The following EVPL variants were observed in gnomAD, a reference collection of about 807,000 sequenced individuals.
The protein encoded by EVPL is 210 kDa cornified envelope precursor protein.
A neutral mutation model predicts 129.7 loss-of-function variants in EVPL; 94 were observed. That is an observed-to-expected ratio of 0.72 (90% CI 0.61 to 0.86). EVPL has a LOEUF of 0.86. Among genes scored for constraint, EVPL ranks in the 40% least tolerant of loss-of-function variants. EVPL has a pLI of 0.00. For missense variants in EVPL, 2,625 were observed against 2,721.1 expected (o/e 0.96, Z 0.79); for synonymous variants, 1,172 against 1,191.1 (o/e 0.98, Z 0.33).
At chr17:76,019,385 T>C in intron 10 of EVPL, 143 bp downstream of exon 10, 2 of 1,121,468 alleles carry the variant, frequency 1.8e-6, no homozygotes, top group African/African-American at 1.6e-5. Context: ...GCCAGCCTCC[T>C]GCTAGAGTAA....
chr17:76,007,307 T>C lies in EVPL; in HGVS notation c.5898A>G (p.Glu1966=). 2 of 1,556,858 alleles carry C rather than the reference T, an allele frequency of 1.3e-6. No homozygotes were observed. The highest frequency in any genetic ancestry group is 1.7e-6 in the Non-Finnish European group (2 of 1,148,762). ...CGTCCTGCAGGAGCTGGGCCAGCTC[T>C]TCACTGATCATCCCGGAGAGGAGGG... ...QQALLSGMIS[E]ELAQLLQDES... Residue 1966 remains glutamate (E), a synonymous_variant, in exon 22 of 22, where the codon GAA becomes GAG. Coordinates refer to ENST00000301607, the MANE Select transcript of EVPL (RefSeq NM_001988.4). The surrounding 1 kb of genome is among the most constrained non-coding windows in gnomAD (Gnocchi z 8.8).
intron 21 of EVPL, among the ~76,000 whole-genome samples, 173 bp from the exon 22 acceptor site, chr17:76,010,716 T>C (rs1214597761): frequency 6.6e-6 from 1 of 152,078 alleles, no homozygotes; most frequent in Non-Finnish European, 1.5e-5. Flanking sequence ...ACCCAGTCAA[T>C]GCAATGATTT....
At position 76,015,549 on chromosome 17, in the gene EVPL, C is replaced by T. The variant is rs772811795; in HGVS notation, c.1790G>A (p.Arg597Gln). ...CTGCAGGGCAGCGGGGCCCACGGGCCGCGTGGACAGAAACGCCTCGCACTC... is the reference window on the plus strand; with the variant it reads ...CTGCAGGGCAGCGGGGCCCACGGGCTGCGTGGACAGAAACGCCTCGCACTC... ...QKECEAFLST[R>Q]PVGPAALQLP... Residue 597 changes from arginine (R) to glutamine (Q), a missense_variant, in exon 15 of 22, where the codon CGG becomes CAG. Coordinates refer to ENST00000301607, the MANE Select transcript of EVPL (RefSeq NM_001988.4). 8 of 1,613,064 alleles carry T rather than the reference C, an allele frequency of 5.0e-6. No individual in the cohort carries two copies. In the African/African-American group the frequency reaches 6.7e-5, roughly 13 times the overall value.
chr17:76,021,458 G>A lies in EVPL; in HGVS notation c.1011+10C>T, dbSNP rs749087526. On this transcript the variant is annotated intron_variant, in intron 9 of 21. Transcript: ENST00000301607. Reference sequence around the variant, plus strand: ...CCCCTGCCGCCCCTGCCGCCTGCCCGAGGGCTCACCCGGCGGTAGTCCTCC... The same window carrying A: ...CCCCTGCCGCCCCTGCCGCCTGCCCAAGGGCTCACCCGGCGGTAGTCCTCC... 1.4e-5 allele frequency: 21 copies of A among 1,504,426 alleles called. No individual in the cohort carries two copies. The highest frequency in any genetic ancestry group is 1.8e-5 in the Non-Finnish European group (20 of 1,119,208). The allele number at this position is 1,504,426 out of a possible 1,614,324, so 93.2% of individuals were successfully genotyped here.
At chr17:76,016,404 C>T (rs984647095) in intron 14 of EVPL, among the ~76,000 whole-genome samples, 3 of 152,200 alleles carry the variant, frequency 2.0e-5, no homozygotes, top group Non-Finnish European at 2.9e-5. Context: ...GCTGACTCTG[C>T]ACCAGGCACC....
In EVPL at chr17:76,018,953, G is replaced by C. The variant is rs371984104; in HGVS notation, c.1245C>G (p.Pro415=). The change falls in exon 11 of 22, where the codon CCC becomes CCG. Residue 415 remains proline, a synonymous_variant. Transcript: ENST00000301607. ...AGTCGCAGATGCTGTCCACGTGCAG[G>C]GGCTGCTGAGGGGGGTTTCTTCGCT... ...LPQRRNPPQQ[P]LHVDSICDWD... is the part of the protein sequence containing the mutation. 1 of 1,559,022 alleles carries C rather than the reference G, an allele frequency of 6.4e-7. No individual in the cohort carries two copies. The highest frequency in any genetic ancestry group is 1.4e-5 in the African/African-American group (1 of 71,112).
chr17:76,011,562 T>A lies in EVPL; in HGVS notation c.2661+14A>T. 6.2e-7 allele frequency: 1 copy of A among 1,606,124 alleles called. No individual in the cohort carries two copies. Among genetic ancestry groups the A allele is most frequent in the Non-Finnish European group, 8.5e-7 (1 of 1,172,812 alleles). ...CTGGCTATTGTGGGAAAGCTGTAGG[T>A]GTTGTCTGTGTACCTTCTCCAGCAT... On this transcript the variant is annotated intron_variant, in intron 21 of 21. Transcript: ENST00000301607.
At position 76,008,072 on chromosome 17, in the gene EVPL, G is replaced by A; in HGVS notation, c.5133C>T (p.Gly1711=). 6.2e-7 allele frequency: 1 copy of A among 1,614,036 alleles called. No homozygotes were observed. Among genetic ancestry groups the A allele is most frequent in the South Asian group, 1.1e-5 (1 of 91,070 alleles). Residue 1711 remains glycine, a synonymous_variant, in exon 22 of 22, where the codon GGC becomes GGT. Coordinates refer to ENST00000301607, the MANE Select transcript of EVPL (RefSeq NM_001988.4). The surrounding 1 kb of genome is among the most constrained non-coding windows in gnomAD (Gnocchi z 7.4). The part of the protein sequence containing the change: ...EAYKRGIIDR[G]QYLQLQELEC... ...CGAGCTCCTGCAGCTGCAAGTACTG[G>A]CCCCTGTCGATGATGCCCCTCTTGT...
At position 76,008,249 on chromosome 17, in the gene EVPL, G is replaced by C. The variant is rs752726977; in HGVS notation, c.4956C>G (p.Ile1652Met). ...EAAILREKDQ[I>M]YEKERTLRDL... ...CCCGGAGCGTCCGCTCCTTCTCGTA[G>C]ATCTGGTCCTTCTCGCGGAGGATGG... The change falls in exon 22 of 22, where the codon ATC becomes ATG. Residue 1652 changes from isoleucine (I) to methionine (M), a missense_variant. Physicochemically the swap from Ile to Met is conservative, Grantham distance 10 (BLOSUM62 1). Around this residue, in one of 4 missense-constraint regions of EVPL, gnomAD observed 1,453 missense variants for 1,511.8 expected, o/e 0.96. Coordinates refer to ENST00000301607, the MANE Select transcript of EVPL (RefSeq NM_001988.4). The surrounding 1 kb of genome is among the most constrained non-coding windows in gnomAD (Gnocchi z 7.4). The C allele has an allele frequency of 3.1e-6, 5 of 1,613,642 alleles. No individual in the cohort carries two copies. The highest frequency in any genetic ancestry group is 4.2e-6 in the Non-Finnish European group (5 of 1,180,006).
Position 76,024,317 on chromosome 17 carries a change from A to G in EVPL, c.99-197T>C, listed in dbSNP as rs2066484571. ...GGTGTTAGCACTGCCCCGCCACATG[A>G]GGGGTCAAAAGGTGAGGGTCTCAGG... On this transcript the variant is annotated intron_variant, in intron 1 of 21. Coordinates refer to ENST00000301607, the MANE Select transcript of EVPL (RefSeq NM_001988.4). This position sits in a 1 kb window ranked among gnomAD's most constrained non-coding sequence, Gnocchi z 4.5. Among the ~76,000 whole-genome samples, 1 of 152,022 alleles carries G rather than the reference A, an allele frequency of 6.6e-6. No homozygotes were observed. Among genetic ancestry groups the G allele is most frequent in the African/African-American group, 2.4e-5 (1 of 41,386 alleles).
chr17:76,022,467 G>T lies in EVPL; in HGVS notation c.552C>A (p.Ile184=). 1.2e-6 allele frequency: 2 copies of T among 1,613,786 alleles called. No homozygotes were observed. Among genetic ancestry groups the T allele is most frequent in the East Asian group, 2.2e-5 (1 of 44,884 alleles). ...ELEQQIAEHN[I]LQKEIDAYGQ... is the part of the protein sequence containing the mutation. ...CATAGGCGTCGATCTCCTTCTGCAG[G>T]ATGTTGTGCTCGGCGATCTGTTGCT... Residue 184 remains isoleucine, a synonymous_variant, in exon 5 of 22, where the codon ATC becomes ATA. Coordinates refer to ENST00000301607, the MANE Select transcript of EVPL (RefSeq NM_001988.4). The surrounding 1 kb of genome is among the most constrained non-coding windows in gnomAD (Gnocchi z 5.6).
chr17:76,015,550 G>A lies in EVPL; in HGVS notation c.1789C>T (p.Arg597Trp), dbSNP rs762605470. ...TGCAGGGCAGCGGGGCCCACGGGCC[G>A]CGTGGACAGAAACGCCTCGCACTCC... ...QKECEAFLST[R>W]PVGPAALQLP... Residue 597 changes from arginine to tryptophan, a missense_variant, in exon 15 of 22, where the codon CGG (arginine) becomes TGG (tryptophan). Physicochemically the swap from Arg to Trp is moderately radical, Grantham distance 101. Around this residue, in one of 4 missense-constraint regions of EVPL, gnomAD observed 1,024 missense variants for 997.5 expected, o/e 1.03. Transcript: ENST00000301607. 7 of 1,613,088 alleles carry A rather than the reference G, an allele frequency of 4.3e-6. No individual in the cohort carries two copies. Among genetic ancestry groups the A allele is most frequent in the Non-Finnish European group, 5.1e-6 (6 of 1,180,024 alleles).
rs1299808354 is a variant in EVPL, at chr17:76,019,578, C to T, written c.1087G>A (p.Ala363Thr). 3 of 1,594,722 alleles carry T rather than the reference C, an allele frequency of 1.9e-6. No homozygotes were observed. Among genetic ancestry groups the T allele is most frequent in the Non-Finnish European group, 2.6e-6 (3 of 1,172,852 alleles). Residue 363 changes from alanine (A) to threonine (T), a missense_variant, in exon 10 of 22, where the codon GCA (alanine) becomes ACA (threonine). Around this residue, in one of 4 missense-constraint regions of EVPL, gnomAD observed 1,024 missense variants for 997.5 expected, o/e 1.03. Transcript: ENST00000301607. ...GGGGCGCCAGGGGGGCCCCCAGGTGCAGGGCTGTACTTGGCATCCAAGTTG... is the reference window on the plus strand; with the variant it reads ...GGGGCGCCAGGGGGGCCCCCAGGTGTAGGGCTGTACTTGGCATCCAAGTTG... The part of the protein sequence containing the change: ...NSNLDAKYSP[A>T]PGGPPGAPTE...
At position 76,008,994 on chromosome 17, in the gene EVPL, T is replaced by C. The variant is rs754148085; in HGVS notation, c.4211A>G (p.Gln1404Arg). Residue 1404 changes from glutamine to arginine, a missense_variant, in exon 22 of 22, where the codon CAG (glutamine) becomes CGG (arginine). Coordinates refer to ENST00000301607, the MANE Select transcript of EVPL (RefSeq NM_001988.4). The surrounding 1 kb of genome is among the most constrained non-coding windows in gnomAD (Gnocchi z 7.4). ...SLDEEVGRRR[Q>R]LELEVQQLRA... The stretch of plus-strand genomic sequence containing the variant: ...CAGCTGCTGCACCTCAAGCTCTAGC[T>C]GGCGCCGCCGGCCCACCTCCTCATC... 6.8e-6 allele frequency: 11 copies of C among 1,611,932 alleles called. No homozygotes were observed. The East Asian group carries it at 2.0e-4, about 29-fold the overall frequency.
At position 76,024,146 on chromosome 17, in the gene EVPL, A is replaced by C; in HGVS notation, c.99-26T>G. 6.2e-7 allele frequency: 1 copy of C among 1,606,612 alleles called. No homozygotes were observed. Among genetic ancestry groups the C allele is most frequent in the East Asian group, 2.2e-5 (1 of 44,518 alleles). ...CTAGTGTGTGGAGGGGACAGCGGGTAGCTCGGTGGAAGAGGCCCCTCTGTG... is the reference window on the plus strand; with the variant it reads ...CTAGTGTGTGGAGGGGACAGCGGGTCGCTCGGTGGAAGAGGCCCCTCTGTG... On this transcript the variant is annotated intron_variant, in intron 1 of 21. Coordinates refer to ENST00000301607, the MANE Select transcript of EVPL (RefSeq NM_001988.4). This position sits in a 1 kb window ranked among gnomAD's most constrained non-coding sequence, Gnocchi z 4.5.
rs749752275 is a variant in EVPL at position 76,017,775 on chromosome 17, G to C, written c.1674C>G (p.Pro558=). The C allele has an allele frequency of 1.9e-6, 3 of 1,613,148 alleles. No individual in the cohort carries two copies. Among genetic ancestry groups the C allele is most frequent in the Middle Eastern group, 1.6e-4 (1 of 6,062 alleles). The change falls in exon 14 of 22, where the codon CCC becomes CCG. Residue 558 remains proline (P), a synonymous_variant. Transcript: ENST00000301607. ...WARAPLSRPT[P]LEDLEGRIHS... ...GGATGCGGCCCTCCAAGTCCTCCAAGGGTGTGGGGCGGCTCAGCGGGGCCC... is the reference window on the plus strand; with the variant it reads ...GGATGCGGCCCTCCAAGTCCTCCAACGGTGTGGGGCGGCTCAGCGGGGCCC...
chr17:76,017,984 C>T, intron 13 of EVPL, 73 bp from the exon 14 acceptor site: 1 of 1,592,184 alleles, frequency 6.3e-7, no homozygotes, highest in African/African-American at 1.3e-5. Context: ...CACCAGGTGC[C>T]CACAGAGGGT....
intron 19 of EVPL, 35 bp from the exon 20 acceptor site, chr17:76,011,917 C>T (rs1336544543): frequency 1.2e-6 from 2 of 1,608,194 alleles, no homozygotes; most frequent in East Asian, 2.2e-5. Context: ...GGCTGGCAAC[C>T]AGTGGGGGAG....
At position 76,022,647 on chromosome 17, in the gene EVPL, G is replaced by A. The variant is rs901660435; in HGVS notation, c.481-109C>T. 7.7e-6 allele frequency: 11 copies of A among 1,437,602 alleles called. No homozygotes were observed. The African/African-American group carries it at 8.5e-5, about 11-fold the overall frequency. The allele number at this position is 1,437,602 out of a possible 1,614,324, so 89.1% of individuals were successfully genotyped here. A position where few individuals can be genotyped will look rare whatever the true frequency, so the allele number is the denominator to read the frequency against. ...GACTTGGTCATTTGGGCAGAGCGTG[G>A]ACGAGCCTGGGAGCAGCCCGGGTGC... is the stretch of plus-strand genomic sequence containing the variant. On this transcript the variant is annotated intron_variant, in intron 4 of 21. Coordinates refer to ENST00000301607, the MANE Select transcript of EVPL (RefSeq NM_001988.4). This position sits in a 1 kb window ranked among gnomAD's most constrained non-coding sequence, Gnocchi z 5.6.
Sources: allele counts gnomAD v4.1 joint callset (sites outside exome capture counted in the v4.1 genomes callset), GRCh38; gene constraint gnomAD v4.1.1; regional missense constraint gnomAD v4.1.1; non-coding constraint Gnocchi (gnomAD v3.1); transcripts MANE v1.5; gene names NCBI Gene and HGNC (gene_info 2026-07-23, HGNC 2026-07-21).